SORCS1: variants seen among roughly 807,000 people sequenced by gnomAD.
The protein encoded by SORCS1 is sortilin related VPS10 domain containing receptor 1, also known as VPS10 domain-containing receptor SorCS1.
SORCS1 carries 60 observed loss-of-function variants against 146.1 expected under a neutral mutation model. The observed-to-expected ratio is 0.41, with a 90% CI of 0.33 to 0.51. The LOEUF is 0.51. Among genes scored for constraint, SORCS1 ranks in the 20% least tolerant of loss-of-function variants. The probability of loss-of-function intolerance (pLI) is 0.21; values close to 1 mark genes in which losing one functional copy is unlikely to be tolerated. For synonymous variants in SORCS1, 637 were observed against 584.0 expected (o/e 1.09, Z -1.31); for missense variants, 1,352 against 1,487.6 (o/e 0.91, Z 1.50).
rs58427067 is a variant in SORCS1, at chr10:106,708,245, G to GGTGT, written c.1143+974_1143+977dup. 7.6e-3 allele frequency among the ~76,000 whole-genome samples: 1,130 copies of GGTGT among 148,796 alleles called. 16 individuals are homozygous for GGTGT. The highest frequency in any genetic ancestry group is 0.026 in the African/African-American group (1,065 of 40,898). ...TAATTTCCCTGAAGAATAAAGAAAT[G>GGTGT]GTGTGTGTGTGTGTGTGTGTGTGTA... On this transcript the variant is annotated intron_variant, in intron 7 of 25. Coordinates refer to ENST00000263054, the MANE Select transcript of SORCS1 (RefSeq NM_052918.5).
intron 21 of SORCS1, among the ~76,000 whole-genome samples, chr10:106,614,776 C>T (rs548431813): frequency 1.1e-4 from 16 of 152,226 alleles, no homozygotes; most frequent in Non-Finnish European, 1.5e-4. Context: ...GGCAGGGAAA[C>T]GTACTTAAGT....
At chr10:106,588,854 C>A (rs1845409739) in intron 24 of SORCS1, among the ~76,000 whole-genome samples, 1 of 111,332 alleles carries the variant, frequency 9.0e-6, no homozygotes, top group African/African-American at 3.9e-5. Context: ...GGGCAAGACT[C>A]CATCTCAAAA....
intron 1 of SORCS1, among the ~76,000 whole-genome samples, chr10:107,026,547 G>A (rs1290414293): frequency 3.3e-5 from 5 of 152,030 alleles, no homozygotes; most frequent in Non-Finnish European, 7.4e-5. Flanking sequence ...GAACCCAGGA[G>A]GCGAAGCTTG....
intron 1 of SORCS1, among the ~76,000 whole-genome samples, chr10:107,038,885 G>A (rs1959036073): frequency 6.6e-6 from 1 of 152,094 alleles, no homozygotes; most frequent in South Asian, 2.1e-4. Context: ...AATCCTGAAT[G>A]CTAATAAAAA....
intron 5 of SORCS1, among the ~76,000 whole-genome samples, chr10:106,756,473 C>T (rs1162290138): frequency 6.6e-6 from 1 of 152,130 alleles, no homozygotes; most frequent in East Asian, 1.9e-4. Context: ...TGTCCTTGAA[C>T]CCCTTGACCT....
At chr10:106,850,061 G>C (rs1589547290) in intron 2 of SORCS1, among the ~76,000 whole-genome samples, 1 of 152,148 alleles carries the variant, frequency 6.6e-6, no homozygotes, top group South Asian at 2.1e-4. Flanking sequence ...CCTGCCCCCA[G>C]AGGTGGAGTG....
At chr10:106,580,932 T>C (rs1319546040) in intron 24 of SORCS1, among the ~76,000 whole-genome samples, 1 of 152,162 alleles carries the variant, frequency 6.6e-6, no homozygotes, top group Non-Finnish European at 1.5e-5. Flanking sequence ...CTATTTTCTC[T>C]CCCCTGTAAG....
At chr10:107,044,512 T>TAAAAA (rs59253149) in intron 1 of SORCS1, among the ~76,000 whole-genome samples, 14 of 74,082 alleles carry the variant, frequency 1.9e-4, no homozygotes, top group Non-Finnish European at 3.0e-4. Context: ...TTCTAATTTG[T>TAAAAA]AAAAAAAAAA....
Position 106,674,328 on chromosome 10 carries a change from CAAAAAAAAAAAA to C in SORCS1, c.1940+709_1940+720del, listed in dbSNP as rs10658432. Among the ~76,000 whole-genome samples, 5 of 27,374 alleles carry C rather than the reference CAAAAAAAAAAAA, an allele frequency of 1.8e-4. No homozygotes were observed. The East Asian group carries it at 5.3e-3, about 29-fold the overall frequency. 18.0% of individuals were successfully genotyped at this position (27,374 alleles called of 152,430 possible). ...TGGGCGACAGAGTAAGACTCCGTCT[CAAAAAAAAAAAA>C]AAAAAAAAAAAAAAAAAGTAGTAGT... On this transcript the variant is annotated intron_variant, in intron 14 of 25. Transcript: ENST00000263054.
At chr10:106,593,769 A>G (rs564845254) in intron 24 of SORCS1, among the ~76,000 whole-genome samples, 2 of 152,262 alleles carry the variant, frequency 1.3e-5, no homozygotes, top group African/African-American at 4.8e-5. Context: ...TTGGGCTTTT[A>G]TTTGGAAATG....
chr10:106,957,220 C>T (rs1217747419), intron 1 of SORCS1, among the ~76,000 whole-genome samples: 8 of 146,706 alleles, frequency 5.5e-5, no homozygotes, highest in Admixed American at 1.4e-4. Flanking sequence ...GTTGCCCATA[C>T]TGGAGTGCAG....
chr10:106,825,617 CA>C (rs1353275688), intron 3 of SORCS1, among the ~76,000 whole-genome samples: 25 of 151,900 alleles, frequency 1.6e-4, no homozygotes, highest in Non-Finnish European at 3.5e-4. Context: ...TTCTTCCCAT[CA>C]CCTTCTGCAT....
chr10:106,756,350 T>TACCTACAA (rs1416960809), intron 5 of SORCS1, among the ~76,000 whole-genome samples: 11 of 152,334 alleles, frequency 7.2e-5, no homozygotes, highest in South Asian at 2.1e-4. Context: ...TCTCATTTGA[T>TACCTACAA]GAAGTAGGTA....
chr10:107,153,395 C>T (rs1269600352), intron 1 of SORCS1, among the ~76,000 whole-genome samples: 1 of 152,154 alleles, frequency 6.6e-6, no homozygotes, highest in African/African-American at 2.4e-5. Context: ...ATATGATATG[C>T]AGATGGAGAC....
chr10:107,123,921 CAAAAAAA>C (rs57896261), intron 1 of SORCS1, among the ~76,000 whole-genome samples: 1 of 113,522 alleles, frequency 8.8e-6, no homozygotes, highest in African/African-American at 3.0e-5. Context: ...ACTAAAAATA[CAAAAAAA>C]AAAAAAAAAT....
At chr10:107,062,192 C>G (rs1242991736) in intron 1 of SORCS1, among the ~76,000 whole-genome samples, 1 of 152,142 alleles carries the variant, frequency 6.6e-6, no homozygotes, top group African/African-American at 2.4e-5. Context: ...AAATTTATAA[C>G]AATAATCTTT....
At chr10:106,685,764 G>A (rs1852782764) in intron 10 of SORCS1, among the ~76,000 whole-genome samples, 1 of 152,164 alleles carries the variant, frequency 6.6e-6, no homozygotes, top group African/African-American at 2.4e-5. Context: ...CATCGGTCAT[G>A]ATAAAGTATT....
chr10:106,668,268 C>T (rs7086792), intron 16 of SORCS1, among the ~76,000 whole-genome samples: 2,340 of 152,344 alleles, frequency 0.015, 39 homozygotes, highest in African/African-American at 0.041. Flanking sequence ...ACCAAGAGAA[C>T]TGAGCCAGGT....
At chr10:106,761,773 C>T (rs1859128673) in intron 4 of SORCS1, 112 bp from the exon 5 acceptor site, 6 of 888,906 alleles carry the variant, frequency 6.7e-6, no homozygotes, top group African/African-American at 1.7e-5. Context: ...TTACTGAACA[C>T]CTGCCATATA....
Sources: allele counts gnomAD v4.1 joint callset (sites outside exome capture counted in the v4.1 genomes callset), GRCh38; gene constraint gnomAD v4.1.1; transcripts MANE v1.5; gene names NCBI Gene and HGNC (gene_info 2026-07-23, HGNC 2026-07-21).